Variants in XKR4 observed in about 807,000 individuals in gnomAD.
XKR4 encodes the protein XK-related protein 4.
A neutral mutation model predicts 53.9 loss-of-function variants in XKR4; 12 were observed. The ratio of observed to expected loss-of-function variants is 0.22; its 90% CI spans 0.14 to 0.36. XKR4 has a LOEUF of 0.36. XKR4 is among the 10% of genes least tolerant of loss of function. The pLI, the probability that XKR4 is intolerant of heterozygous loss-of-function variation, is 1.00. For missense variants in XKR4, 799 were observed against 859.5 expected (o/e 0.93, Z 0.88); for synonymous variants, 354 against 362.4 (o/e 0.98, Z 0.26).
At chr8:55,253,731 CTTTTTTT>C (rs67608017) in intron 1 of XKR4, among the ~76,000 whole-genome samples, 3 of 113,708 alleles carry the variant, frequency 2.6e-5, no homozygotes, top group South Asian at 3.2e-4. Flanking sequence ...ATTTTCTTTT[CTTTTTTT>C]TTTTTTTTTT....
intron 1 of XKR4, among the ~76,000 whole-genome samples, chr8:55,110,172 AG>A (rs1162494608): frequency 6.6e-6 from 1 of 152,222 alleles, no homozygotes; most frequent in Admixed American, 6.5e-5. Context: ...ATGTTTTATC[AG>A]GTGTGATCTT....
chr8:55,443,839 C>CA lies in XKR4; in HGVS notation c.1007-79427dup, dbSNP rs1159375100. Among the ~76,000 whole-genome samples, 159 of 21,532 alleles carry CA rather than the reference C, an allele frequency of 7.4e-3. 1 individual carries two copies. Among genetic ancestry groups the CA allele is most frequent in the Middle Eastern group, 0.065 (4 of 62 alleles). The allele number at this position is 21,532 out of a possible 152,430, so 14.1% of individuals were successfully genotyped here. A position where few individuals can be genotyped will look rare whatever the true frequency, so the allele number is the denominator to read the frequency against. On this transcript the variant is annotated intron_variant, in intron 2 of 2. Transcript: ENST00000327381. ...CTGGTGACAGAGTAAAACTCCGTCT[C>CA]AAAAAAAAAAAAAAAGAAAGAAAAG...
intron 2 of XKR4, among the ~76,000 whole-genome samples, chr8:55,457,831 G>C (rs1805592752): frequency 6.6e-6 from 1 of 152,148 alleles, no homozygotes; most frequent in African/African-American, 2.4e-5. Flanking sequence ...TTATGGATAT[G>C]TGTGTGTATT....
At chr8:55,185,924 G>A (rs1484575384) in intron 1 of XKR4, among the ~76,000 whole-genome samples, 1 of 152,134 alleles carries the variant, frequency 6.6e-6, no homozygotes, top group African/African-American at 2.4e-5. Flanking sequence ...CTCAAAAAAG[G>A]CCAGTGGTGT....
chr8:55,277,004 T>C (rs1198987712), intron 1 of XKR4, among the ~76,000 whole-genome samples: 1 of 152,214 alleles, frequency 6.6e-6, no homozygotes, highest in East Asian at 1.9e-4. Flanking sequence ...GGACTGGGTT[T>C]CATCAGCTGT....
At chr8:55,431,730 A>T (rs11986797) in intron 2 of XKR4, among the ~76,000 whole-genome samples, 33,124 of 152,164 alleles carry the variant, frequency 0.22, 9,336 homozygotes, top group African/African-American at 0.65. Context: ...AATACATTTT[A>T]TGTATATTTT....
chr8:55,497,607 A>G (rs558796709), intron 2 of XKR4, among the ~76,000 whole-genome samples: 1 of 152,366 alleles, frequency 6.6e-6, no homozygotes, highest in East Asian at 1.9e-4. Context: ...GACCTTTGGC[A>G]TCATCCTTGA....
In XKR4 at chr8:55,353,147, T is replaced by G. The variant is rs80038565; in HGVS notation, c.807-4531T>G. Among the ~76,000 whole-genome samples the G allele has an allele frequency of 2.7e-3, 418 of 152,250 alleles. 11 individuals carry two copies. In the East Asian group the frequency reaches 0.06, roughly 22 times the overall value. ...AGGAGAAGTCATGGAGTGAACAAGA[T>G]CAAACACTGATAGAAAAGTGTTAGG... On this transcript the variant is annotated intron_variant, in intron 1 of 2. Coordinates refer to ENST00000327381, the MANE Select transcript of XKR4 (RefSeq NM_052898.2).
intron 1 of XKR4, among the ~76,000 whole-genome samples, chr8:55,306,620 T>C (rs928730580): frequency 2.0e-5 from 3 of 152,164 alleles, no homozygotes; most frequent in Admixed American, 6.5e-5. Flanking sequence ...TCTCATGAGA[T>C]TTACTCACTA....
intron 2 of XKR4, among the ~76,000 whole-genome samples, chr8:55,495,392 G>T (rs1295768510): frequency 1.3e-5 from 2 of 152,174 alleles, no homozygotes; most frequent in African/African-American, 4.8e-5. Flanking sequence ...AAGGAGCAGG[G>T]CTTCCACTTG....
Position 55,352,508 on chromosome 8 carries a change from G to A in XKR4, c.807-5170G>A, listed in dbSNP as rs1356607764. Among the ~76,000 whole-genome samples the A allele has an allele frequency of 3.8e-4, 58 of 152,326 alleles. 1 individual carries two copies. Among genetic ancestry groups the A allele is most frequent in the Non-Finnish European group, 1.0e-4 (7 of 68,040 alleles). On this transcript the variant is annotated intron_variant, in intron 1 of 2. Transcript: ENST00000327381. ...GGGAGTCATTGAGGTTTGGGTGATG[G>A]AAATTGGATTCAATGTATGTCACAG...
chr8:55,474,922 C>T lies in XKR4; in HGVS notation c.1007-48359C>T, dbSNP rs529942983. Reference sequence around the variant, plus strand: ...AAATGCATTAATGAACACCTGCTGGCCTTAGAGTCCTGAGCAAGGAACTGT... The same window carrying T: ...AAATGCATTAATGAACACCTGCTGGTCTTAGAGTCCTGAGCAAGGAACTGT... On this transcript the variant is annotated intron_variant, in intron 2 of 2. Coordinates refer to ENST00000327381, the MANE Select transcript of XKR4 (RefSeq NM_052898.2). Among the ~76,000 whole-genome samples, 7 of 152,168 alleles carry T rather than the reference C, an allele frequency of 4.6e-5. No individual in the cohort carries two copies. In the East Asian group the frequency reaches 1.3e-3, roughly 29 times the overall value.
chr8:55,277,989 G>A (rs1818787451), intron 1 of XKR4, among the ~76,000 whole-genome samples: 1 of 152,146 alleles, frequency 6.6e-6, no homozygotes, highest in South Asian at 2.1e-4. Context: ...ATTAATGCAG[G>A]AGTCCTAAGC....
chr8:55,524,133 T>C lies in XKR4; in HGVS notation c.1859T>C (p.Ile620Thr). 2 of 1,614,232 alleles carry C rather than the reference T, an allele frequency of 1.2e-6. No individual in the cohort carries two copies. Among genetic ancestry groups the C allele is most frequent in the Non-Finnish European group, 1.7e-6 (2 of 1,180,024 alleles). ...HVLDRSLRKA[I>T]LAFECSPSPP... Reference sequence around the variant, plus strand: ...TTGGACCGAAGCCTCCGAAAGGCTATTTTAGCTTTTGAATGTTCCCCATCT... The same window carrying C: ...TTGGACCGAAGCCTCCGAAAGGCTACTTTAGCTTTTGAATGTTCCCCATCT... Residue 620 changes from isoleucine to threonine, a missense_variant, in exon 3 of 3, where the codon ATT becomes ACT. Transcript: ENST00000327381.
chr8:55,138,889 AG>A (rs1816664961), intron 1 of XKR4, among the ~76,000 whole-genome samples: 1 of 152,222 alleles, frequency 6.6e-6, no homozygotes, highest in Non-Finnish European at 1.5e-5. Flanking sequence ...TGCAGGGATG[AG>A]AGAAGATAAC....
chr8:55,379,470 G>A (rs142619768), intron 2 of XKR4, among the ~76,000 whole-genome samples: 63 of 152,308 alleles, frequency 4.1e-4, no homozygotes, highest in Middle Eastern at 3.4e-3. Flanking sequence ...CTTTCCTCAT[G>A]CATTCAACGC....
chr8:55,258,372 G>A (rs79018747), intron 1 of XKR4, among the ~76,000 whole-genome samples: 104 of 152,278 alleles, frequency 6.8e-4, no homozygotes, highest in African/African-American at 2.2e-3. Context: ...AAAGAGGAAC[G>A]TTCACTTGGG....
chr8:55,376,807 A>G (rs1355117205), intron 2 of XKR4, among the ~76,000 whole-genome samples: 1 of 152,154 alleles, frequency 6.6e-6, no homozygotes, highest in Admixed American at 6.5e-5. Context: ...CACTGAGTGC[A>G]TATCATTAAT....
At chr8:55,449,012 C>T (rs1445177544) in intron 2 of XKR4, among the ~76,000 whole-genome samples, 1 of 151,484 alleles carries the variant, frequency 6.6e-6, no homozygotes, top group Non-Finnish European at 1.5e-5. Flanking sequence ...AATGTTATGA[C>T]TTATTATATA....
Sources: gnomAD v4.1 joint callset for allele counts (sites outside exome capture counted in the v4.1 genomes callset) on GRCh38, gnomAD v4.1.1 for gene constraint, MANE v1.5 for transcripts, NCBI Gene and HGNC (gene_info 2026-07-23, HGNC 2026-07-21) for gene names.